The following MID1 variants were observed in gnomAD, a reference collection of about 807,000 sequenced individuals.
MID1 encodes the protein midline 1, also known as E3 ubiquitin-protein ligase Midline-1.
In MID1, 7 loss-of-function variants were observed where a neutral mutation model predicts 40.4. The observed-to-expected ratio is 0.17, with a 90% CI of 0.10 to 0.33. MID1 has a LOEUF of 0.33. MID1 is among the 10% of genes least tolerant of loss of function. The probability of loss-of-function intolerance (pLI) is 1.00; values close to 1 mark genes in which losing one functional copy is unlikely to be tolerated. For missense variants in MID1, 367 were observed against 558.5 expected, an observed-to-expected ratio of 0.66 and a Z score of 3.46; for synonymous variants, 229 against 221.2, an observed-to-expected ratio of 1.04 and a Z score of -0.31.
At chrX:10,606,826 G>T (rs1345826854) in intron 1 of MID1, among the ~76,000 whole-genome samples, 1 of 111,502 alleles carries the variant, frequency 9.0e-6, no homozygotes, top group East Asian at 2.8e-4. Context: ...TGACCTCCCA[G>T]ACTCAAGCGA....
upstream of MID1, among the ~76,000 whole-genome samples, chrX:10,623,019 G>T (rs1399459055): frequency 9.5e-6 from 1 of 104,754 alleles, no homozygotes; most frequent in Non-Finnish European, 1.9e-5. Context: ...CGAGGAGGGC[G>T]GATGATCGCT....
At chrX:10,789,990 C>T (rs2043917432) in intron 1 of MID1, among the ~76,000 whole-genome samples, 1 of 111,186 alleles carries the variant, frequency 9.0e-6, no homozygotes, top group Admixed American at 9.6e-5. Context: ...CCTTGTTCAC[C>T]TTGCCTTAGC....
In MID1 at chrX:10,463,740, C is replaced by T. The variant is rs182461448; in HGVS notation, c.1286-3933G>A. ...ATCTCAACCATGTGAAGTTAAAACA[C>T]TATCCCTTCTTACAGATGAGGAAAC... On this transcript the variant is annotated intron_variant, in intron 7 of 9. Coordinates refer to ENST00000317552, the MANE Select transcript of MID1 (RefSeq NM_000381.4). 3.4e-3 allele frequency among the ~76,000 whole-genome samples: 384 copies of T among 112,231 alleles called. 8 individuals carry two copies. Among genetic ancestry groups the T allele is most frequent in the Admixed American group, 0.032 (341 of 10,595 alleles).
At chrX:10,622,862 A>G (rs1021357983), upstream of MID1, among the ~76,000 whole-genome samples, 5 of 111,708 alleles carry the variant, frequency 4.5e-5, no homozygotes, top group African/African-American at 1.6e-4. Flanking sequence ...TTTCATTTAC[A>G]AATAAACAAA....
intron 1 of MID1, among the ~76,000 whole-genome samples, chrX:10,638,235 T>C (rs941230962): frequency 9.0e-6 from 1 of 111,021 alleles, no homozygotes; most frequent in Non-Finnish European, 1.9e-5. Context: ...GCACAAGGGG[T>C]TGGGGAATTC....
At chrX:10,493,151 G>A (rs1343425147) in intron 4 of MID1, among the ~76,000 whole-genome samples, 2 of 111,836 alleles carry the variant, frequency 1.8e-5, no homozygotes, top group Non-Finnish European at 3.8e-5. Flanking sequence ...TAAGGATCAC[G>A]AGATGGGGAT....
At chrX:10,530,790 C>A (rs1187955365) in intron 2 of MID1, among the ~76,000 whole-genome samples, 1 of 111,805 alleles carries the variant, frequency 8.9e-6, no homozygotes, top group Non-Finnish European at 1.9e-5. Flanking sequence ...CAGTGATACC[C>A]AATCAAATAG....
Position 10,567,314 on chromosome X carries a change from G to T in MID1, c.234C>A (p.Thr78=). 1 of 1,194,318 alleles carries T rather than the reference G, an allele frequency of 8.4e-7. No individual in the cohort carries two copies. Among genetic ancestry groups the T allele is most frequent in the Non-Finnish European group, 1.1e-6 (1 of 885,284 alleles). Reference sequence around the variant, plus strand: ...GGAACCTGTCGATGATGTTCTGTAGGGTGACGTTGCGCTTGAGCCCGTCTA... The same window carrying T: ...GGAACCTGTCGATGATGTTCTGTAGTGTGACGTTGCGCTTGAGCCCGTCTA... ...RGLDGLKRNV[T]LQNIIDRFQK... is the part of the protein sequence containing the mutation. The change falls in exon 2 of 10, where the codon ACC becomes ACA. Residue 78 remains threonine (T), a synonymous_variant. Transcript: ENST00000317552.
At chrX:10,530,391 A>C (rs1007816206) in intron 2 of MID1, among the ~76,000 whole-genome samples, 2 of 112,003 alleles carry the variant, frequency 1.8e-5, no homozygotes, top group Non-Finnish European at 3.8e-5. Context: ...TGGTCCTTAT[A>C]AAAGGCAAGG....
In MID1 at chrX:10,459,793, C is replaced by T; in HGVS notation, c.1300G>A (p.Ala434Thr). Residue 434 changes from alanine (A) to threonine (T), a missense_variant, in exon 8 of 10, where the codon GCT (alanine) becomes ACT (threonine). Ala to Thr is a moderately conservative substitution (Grantham distance 58). Coordinates refer to ENST00000317552, the MANE Select transcript of MID1 (RefSeq NM_000381.4). ...TTGGGTACTATCATCCAGCTATCAGCCGAATTACACAGACCTGCAAAGCCA... is the reference window on the plus strand; with the variant it reads ...TTGGGTACTATCATCCAGCTATCAGTCGAATTACACAGACCTGCAAAGCCA... ...QANVVSLCNS[A>T]DSWMIVPNIK... The T allele has an allele frequency of 8.3e-7, 1 of 1,209,435 alleles. No individual in the cohort carries two copies.
chrX:10,814,657 G>T (rs2044124331), intron 1 of MID1, among the ~76,000 whole-genome samples: 1 of 110,283 alleles, frequency 9.1e-6, no homozygotes. Flanking sequence ...TTATATCACT[G>T]CAAAGATCCC....
At chrX:10,709,778 T>C (rs1367708189) in intron 1 of MID1, among the ~76,000 whole-genome samples, 1 of 112,079 alleles carries the variant, frequency 8.9e-6, no homozygotes, top group African/African-American at 3.2e-5. Context: ...TGTGACAGGT[T>C]ATAAAAGCCA....
At chrX:10,508,970 C>G (rs1035479091) in intron 3 of MID1, among the ~76,000 whole-genome samples, 2 of 111,340 alleles carry the variant, frequency 1.8e-5, no homozygotes, top group Non-Finnish European at 3.8e-5. Flanking sequence ...CTAATTGACT[C>G]CCTTTGTATC....
At chrX:10,604,710 A>C (rs1935593596) in intron 1 of MID1, among the ~76,000 whole-genome samples, 1 of 112,331 alleles carries the variant, frequency 8.9e-6, no homozygotes, top group Non-Finnish European at 1.9e-5. Flanking sequence ...GTATCTGAAA[A>C]TCCCTACAAT....
At chrX:10,813,884 A>G (rs781254418) in intron 1 of MID1, among the ~76,000 whole-genome samples, 11 of 111,648 alleles carry the variant, frequency 9.9e-5, no homozygotes, top group African/African-American at 3.2e-4. Flanking sequence ...CTTTTTCTCT[A>G]AAGTGTCAGG....
At chrX:10,659,493 T>C (rs1272324382) in intron 1 of MID1, among the ~76,000 whole-genome samples, 1 of 112,025 alleles carries the variant, frequency 8.9e-6, no homozygotes, top group East Asian at 2.8e-4. Context: ...AGACAAACTA[T>C]AAAGTGCTCT....
At chrX:10,717,255 C>G (rs1328415824) in intron 1 of MID1, among the ~76,000 whole-genome samples, 12 of 109,851 alleles carry the variant, frequency 1.1e-4, no homozygotes, top group South Asian at 4.0e-4. Context: ...CTGGCAAATT[C>G]GATAAAGAGT....
intron 3 of MID1, chrX:10,505,387 G>A: frequency 1.3e-6 from 1 of 752,718 alleles, no homozygotes; most frequent in Non-Finnish European, 1.6e-6. Flanking sequence ...AAATGAAGAA[G>A]CAGAATGGAA....
intron 4 of MID1, among the ~76,000 whole-genome samples, chrX:10,493,799 TATAA>T (rs1302736257): frequency 8.9e-6 from 1 of 112,260 alleles, no homozygotes; most frequent in Admixed American, 9.4e-5. Context: ...ACTCCATAAA[TATAA>T]ATGTTTGTCA....
Sources: gnomAD v4.1 joint callset for allele counts (sites outside exome capture counted in the v4.1 genomes callset) on GRCh38, gnomAD v4.1.1 for gene constraint, MANE v1.5 for transcripts, NCBI Gene and HGNC (gene_info 2026-07-23, HGNC 2026-07-21) for gene names.